Variants in MMP20 observed in about 807,000 individuals in gnomAD.
MMP20 encodes matrix metalloproteinase-20.
Under a neutral mutation model 51.8 loss-of-function variants are expected in MMP20, and 50 were observed. That is an observed-to-expected ratio of 0.97 (90% CI 0.77 to 1.22). MMP20 has a LOEUF of 1.22. MMP20 is among the 50% of genes most tolerant of loss of function. MMP20 has a pLI of 0.00. For synonymous variants in MMP20, 244 were observed against 216.2 expected (o/e 1.13, Z -1.13); for missense variants, 663 against 601.4 (o/e 1.10, Z -1.07).
intron 3 of MMP20, among the ~76,000 whole-genome samples, chr11:102,611,284 G>A (rs532199358): frequency 1.3e-5 from 2 of 152,306 alleles, no homozygotes; most frequent in South Asian, 2.1e-4. Context: ...TGCAAGTGTG[G>A]GCAAGACAGA....
At chr11:102,622,788 C>A (rs530206018) in intron 1 of MMP20, among the ~76,000 whole-genome samples, 1 of 152,212 alleles carries the variant, frequency 6.6e-6, no homozygotes, top group African/African-American at 2.4e-5. Context: ...CCAGCATATG[C>A]CATGCTGTAA....
At chr11:102,606,943 G>A in intron 5 of MMP20, 1 of 455,084 alleles carries the variant, frequency 2.2e-6, no homozygotes, top group South Asian at 2.1e-5. Flanking sequence ...GAAGGCTGTT[G>A]TGAGAATTAA....
intron 8 of MMP20, among the ~76,000 whole-genome samples, chr11:102,587,165 T>C (rs1181328840): frequency 6.6e-6 from 1 of 152,186 alleles, no homozygotes; most frequent in Non-Finnish European, 1.5e-5. Flanking sequence ...TTTCATTTAT[T>C]TCTAAGTACT....
intron 6 of MMP20, among the ~76,000 whole-genome samples, chr11:102,597,133 G>A (rs1332413454): frequency 2.0e-5 from 3 of 152,150 alleles, no homozygotes; most frequent in Non-Finnish European, 2.9e-5. Context: ...CCAAAACTAG[G>A]CTCTGTCTGA....
intron 8 of MMP20, among the ~76,000 whole-genome samples, chr11:102,584,821 T>A (rs1330514858): frequency 2.0e-5 from 3 of 152,164 alleles, no homozygotes; most frequent in African/African-American, 7.2e-5. Flanking sequence ...GGTTGGGGTC[T>A]AAGTCCATTC....
intron 6 of MMP20, chr11:102,605,302 C>T (rs189987373): frequency 6.6e-6 from 1 of 152,232 alleles, no homozygotes; most frequent in Admixed American, 6.5e-5. Flanking sequence ...GAATACATTT[C>T]TGTTGTCTAA....
intron 6 of MMP20, among the ~76,000 whole-genome samples, chr11:102,596,657 A>C (rs915048038): frequency 2.0e-5 from 3 of 152,220 alleles, no homozygotes; most frequent in Non-Finnish European, 4.4e-5. Context: ...ACTGAGATCC[A>C]GAAGGGCTGC....
chr11:102,624,513 C>A (rs1356843551), intron 1 of MMP20, among the ~76,000 whole-genome samples: 1 of 147,868 alleles, frequency 6.8e-6, no homozygotes, highest in Non-Finnish European at 1.5e-5. Context: ...TCTATCAGAC[C>A]CTTTCCAGCA....
At chr11:102,595,295 T>C (rs927503326) in intron 6 of MMP20, among the ~76,000 whole-genome samples, 1 of 152,188 alleles carries the variant, frequency 6.6e-6, no homozygotes, top group Non-Finnish European at 1.5e-5. Context: ...TACTCCCTTT[T>C]CATTGTCTTA....
intron 8 of MMP20, among the ~76,000 whole-genome samples, chr11:102,590,092 T>C (rs1033590068): frequency 2.6e-5 from 4 of 152,140 alleles, no homozygotes; most frequent in Admixed American, 6.6e-5. Flanking sequence ...TCATTGACTA[T>C]CTTGAAGAAT....
intron 8 of MMP20, among the ~76,000 whole-genome samples, chr11:102,591,552 C>A (rs181865897): frequency 1.3e-5 from 2 of 152,332 alleles, no homozygotes; most frequent in East Asian, 3.9e-4. Flanking sequence ...TGCATTACAT[C>A]ACTTAATACC....
chr11:102,617,683 G>A (rs1241670246), intron 1 of MMP20, among the ~76,000 whole-genome samples: 1 of 152,108 alleles, frequency 6.6e-6, no homozygotes, highest in African/African-American at 2.4e-5. Context: ...CCTAGGCAAG[G>A]CTCTTTGTCT....
intron 7 of MMP20, among the ~76,000 whole-genome samples, chr11:102,594,388 C>T (rs1213774669): frequency 6.6e-6 from 1 of 152,234 alleles, no homozygotes; most frequent in Admixed American, 6.5e-5. Context: ...TCACCTAACA[C>T]AGTGCCTTAC....
chr11:102,591,734 G>T (rs910419633), intron 8 of MMP20, among the ~76,000 whole-genome samples: 5 of 152,110 alleles, frequency 3.3e-5, no homozygotes, highest in Non-Finnish European at 7.4e-5. Flanking sequence ...CAGTTGGAAA[G>T]GTACAGTACG....
At chr11:102,603,623 T>G (rs1209922203) in intron 6 of MMP20, among the ~76,000 whole-genome samples, 1 of 152,226 alleles carries the variant, frequency 6.6e-6, no homozygotes, top group Non-Finnish European at 1.5e-5. Context: ...TCACTATTAT[T>G]ACAGACAACT....
intron 1 of MMP20, among the ~76,000 whole-genome samples, chr11:102,617,588 G>T (rs1204263397): frequency 6.6e-6 from 1 of 152,112 alleles, no homozygotes; most frequent in Non-Finnish European, 1.5e-5. Flanking sequence ...AAGGCAGAGG[G>T]TCCACCTTTT....
chr11:102,613,518 A>G (rs911086345), intron 2 of MMP20, among the ~76,000 whole-genome samples: 1 of 152,224 alleles, frequency 6.6e-6, no homozygotes, highest in Non-Finnish European at 1.5e-5. Context: ...ACCTGTGATA[A>G]TTACCTAGGA....
chr11:102,586,748 C>T (rs925242267), intron 8 of MMP20, among the ~76,000 whole-genome samples: 2 of 151,610 alleles, frequency 1.3e-5, no homozygotes, highest in Non-Finnish European at 2.9e-5. Flanking sequence ...ACCCGGGAGG[C>T]GGAGCTTGCA....
intron 6 of MMP20, among the ~76,000 whole-genome samples, chr11:102,597,395 ACTC>A (rs1859394448): frequency 6.6e-6 from 1 of 152,204 alleles, no homozygotes; most frequent in Non-Finnish European, 1.5e-5. Flanking sequence ...CAAGTGGTAG[ACTC>A]TCAAATTCCT....
Sources: gnomAD v4.1 joint callset for allele counts (sites outside exome capture counted in the v4.1 genomes callset) on GRCh38, gnomAD v4.1.1 for gene constraint, MANE v1.5 for transcripts, NCBI Gene and HGNC (gene_info 2026-07-23, HGNC 2026-07-21) for gene names.